WNK2: variants seen among roughly 807,000 people sequenced by gnomAD.
WNK2 encodes WNK lysine deficient protein kinase 2, also known as serine/threonine-protein kinase WNK2.
In WNK2, 67 loss-of-function variants were observed where a neutral mutation model predicts 192.1. That is an observed-to-expected ratio of 0.35 (90% CI 0.29 to 0.43). The LOEUF (loss-of-function observed/expected upper bound fraction) is 0.43. Among genes scored for constraint, WNK2 ranks in the 20% least tolerant of loss-of-function variants. The probability of loss-of-function intolerance (pLI) is 1.00; values close to 1 mark genes in which losing one functional copy is unlikely to be tolerated. For missense variants in WNK2, 2,698 were observed against 3,089.7 expected, an observed-to-expected ratio of 0.87 and a Z score of 3.01; for synonymous variants, 1,439 against 1,393.9, an observed-to-expected ratio of 1.03 and a Z score of -0.72.
rs567358686 is a variant in WNK2 at position 93,186,086 on chromosome 9, C to A, written c.681+476C>A. On this transcript the variant is annotated intron_variant, in intron 2 of 29. Coordinates refer to ENST00000427277, the MANE Select transcript of WNK2 (RefSeq NM_006648.4). ...TGGGCTGCCCATAAATTAGTACTTTCCTGTGTCCAGCAAGCCGTGGCTGCC... is the reference window on the plus strand; with the variant it reads ...TGGGCTGCCCATAAATTAGTACTTTACTGTGTCCAGCAAGCCGTGGCTGCC... Among the ~76,000 whole-genome samples, 8 of 152,182 alleles carry A rather than the reference C, an allele frequency of 5.3e-5. No individual in the cohort carries two copies. In the South Asian group the frequency reaches 1.7e-3, roughly 32 times the overall value.
chr9:93,285,067 T>C (rs192321854), intron 19 of WNK2, among the ~76,000 whole-genome samples: 2 of 152,342 alleles, frequency 1.3e-5, no homozygotes, highest in Non-Finnish European at 2.9e-5. Flanking sequence ...CCTTTTAGCA[T>C]TACTATTTTT....
chr9:93,195,410 A>G (rs1408052180), intron 2 of WNK2, among the ~76,000 whole-genome samples: 2 of 152,168 alleles, frequency 1.3e-5, no homozygotes, highest in East Asian at 1.9e-4. Flanking sequence ...AGATGTTTGC[A>G]GAAATGGGCC....
At chr9:93,242,006 C>T (rs538538366) in intron 7 of WNK2, among the ~76,000 whole-genome samples, 1 of 152,296 alleles carries the variant, frequency 6.6e-6, no homozygotes, top group East Asian at 1.9e-4. Context: ...CTCACCACAG[C>T]TGTAGGATGG....
rs1227040772 is a variant in WNK2, at chr9:93,247,974, G to A, written c.1834+140G>A. 48 of 954,792 alleles carry A rather than the reference G, an allele frequency of 5.0e-5. No individual in the cohort carries two copies. In the Admixed American group the frequency reaches 8.8e-4, roughly 18 times the overall value. The allele number at this position is 954,792 out of a possible 1,614,324, so 59.1% of individuals were successfully genotyped here. On this transcript the variant is annotated intron_variant, in intron 8 of 29. Transcript: ENST00000427277. This position sits in a 1 kb window ranked among gnomAD's most constrained non-coding sequence, Gnocchi z 5.2. ...AAGGGGGTCCGCATGGCATCCCCTCGGAGGAGACATCGTGTAGCTCTGAGC... is the reference window on the plus strand; with the variant it reads ...AAGGGGGTCCGCATGGCATCCCCTCAGAGGAGACATCGTGTAGCTCTGAGC...
chr9:93,290,463 A>G (rs984151696), intron 21 of WNK2, among the ~76,000 whole-genome samples: 1 of 152,132 alleles, frequency 6.6e-6, no homozygotes, highest in Non-Finnish European at 1.5e-5. Context: ...TGACTTAATT[A>G]AAACCTACTG....
At chr9:93,293,944 C>T (rs1039516033) in intron 23 of WNK2, among the ~76,000 whole-genome samples, 6 of 152,044 alleles carry the variant, frequency 3.9e-5, no homozygotes, top group Admixed American at 1.3e-4. Context: ...CTGTCTCTGT[C>T]TCTCTCTCTC....
chr9:93,210,137 C>T (rs767753055), intron 2 of WNK2, among the ~76,000 whole-genome samples: 16 of 152,156 alleles, frequency 1.1e-4, no homozygotes, highest in African/African-American at 2.4e-4. Flanking sequence ...GATCTGCCGA[C>T]GGCCTCATGC....
intron 8 of WNK2, among the ~76,000 whole-genome samples, chr9:93,251,329 G>T (rs566503732): frequency 7.3e-4 from 111 of 151,244 alleles, no homozygotes; most frequent in African/African-American, 2.5e-3. Flanking sequence ...ATGTTGGCCA[G>T]GCTGGTCTCA....
chr9:93,200,216 G>A (rs1331610700), intron 2 of WNK2, among the ~76,000 whole-genome samples: 1 of 152,154 alleles, frequency 6.6e-6, no homozygotes, highest in South Asian at 2.1e-4. Flanking sequence ...CTTATCGGGG[G>A]GCCTCCTCGA....
Position 93,192,314 on chromosome 9 carries a change from G to GAA in WNK2, c.681+6715_681+6716dup, listed in dbSNP as rs1052238373. Among the ~76,000 whole-genome samples, 3 of 136,282 alleles carry GAA rather than the reference G, an allele frequency of 2.2e-5. 1 individual carries two copies. Among genetic ancestry groups the GAA allele is most frequent in the Middle Eastern group, 7.8e-3 (2 of 256 alleles). 89.4% of individuals were successfully genotyped at this position (136,282 alleles called of 152,430 possible). A position where few individuals can be genotyped will look rare whatever the true frequency, so the allele number is the denominator to read the frequency against. ...GCGACAGAGCGAGACTCCGTCTCAA[G>GAA]AAAAAAAAAAAAGAGAGAGAGAGAA... On this transcript the variant is annotated intron_variant, in intron 2 of 29. Transcript: ENST00000427277.
chr9:93,185,558 A>G lies in WNK2; in HGVS notation c.629A>G (p.Tyr210Cys), dbSNP rs781674659. ...GGCCGCGGTTCCTTCAAGACGGTCT[A>G]CAAGGGGCTGGACACGGAGACCTGG... Reference protein sequence around the residue: ...ELGRGSFKTVYKGLDTETWVE... With the variant: ...ELGRGSFKTVCKGLDTETWVE... The change falls in exon 2 of 30, where the codon TAC becomes TGC. Residue 210 changes from tyrosine (Y) to cysteine (C), a missense_variant. Transcript: ENST00000427277. 2.5e-6 allele frequency: 4 copies of G among 1,612,974 alleles called. No homozygotes were observed. The highest frequency in any genetic ancestry group is 4.5e-5 in the East Asian group (2 of 44,844).
At chr9:93,228,026 G>T (rs1041985666) in intron 2 of WNK2, among the ~76,000 whole-genome samples, 1 of 152,152 alleles carries the variant, frequency 6.6e-6, no homozygotes, top group Non-Finnish European at 1.5e-5. Context: ...TCAACTTATT[G>T]AATCTTTATG....
intron 2 of WNK2, among the ~76,000 whole-genome samples, chr9:93,193,286 C>T (rs372056484): frequency 2.4e-4 from 37 of 152,332 alleles, no homozygotes; most frequent in African/African-American, 8.7e-4. Context: ...CTGCGAGCCT[C>T]GGTTTACCCT....
At chr9:93,263,758 G>T in intron 15 of WNK2, 24 bp downstream of exon 15, 1 of 1,343,926 alleles carries the variant, frequency 7.4e-7, no homozygotes, top group South Asian at 1.4e-5. Flanking sequence ...GCGTGGCGGG[G>T]GTGTGGTGGG....
chr9:93,184,565 G>T, intron 1 of WNK2, among the ~76,000 whole-genome samples, 180 bp downstream of exon 1: 1 of 152,150 alleles, frequency 6.6e-6, no homozygotes, highest in Non-Finnish European at 1.5e-5. Context: ...GCTGCCTCCG[G>T]GACAGCCTAG....
intron 16 of WNK2, 136 bp downstream of exon 16, chr9:93,264,169 G>A: frequency 1.5e-6 from 1 of 682,180 alleles, no homozygotes; most frequent in Non-Finnish European, 2.6e-6. Context: ...TCGGGACAGT[G>A]CTGACCTTTT....
intron 8 of WNK2, among the ~76,000 whole-genome samples, chr9:93,252,028 C>T (rs527724341): frequency 6.6e-6 from 1 of 152,222 alleles, no homozygotes; most frequent in African/African-American, 2.4e-5. Context: ...TGCAGCCCCT[C>T]GCGAAAATAG....
At chr9:93,311,828 C>T (rs1174842294) in intron 28 of WNK2, among the ~76,000 whole-genome samples, 3 of 152,166 alleles carry the variant, frequency 2.0e-5, no homozygotes, top group African/African-American at 7.2e-5. Context: ...CCATGTTGGT[C>T]AGGCTGATCT....
At chr9:93,269,992 C>T (rs1163403883) in intron 19 of WNK2, among the ~76,000 whole-genome samples, 1 of 152,188 alleles carries the variant, frequency 6.6e-6, no homozygotes, top group Admixed American at 6.5e-5. Flanking sequence ...AGGATGGAGA[C>T]ATAGGGATGT....
Sources: allele counts gnomAD v4.1 joint callset (sites outside exome capture counted in the v4.1 genomes callset), GRCh38; gene constraint gnomAD v4.1.1; non-coding constraint Gnocchi (gnomAD v3.1); transcripts MANE v1.5; gene names NCBI Gene and HGNC (gene_info 2026-07-23, HGNC 2026-07-21).